DLG2: variants seen among roughly 807,000 people sequenced by gnomAD.
The protein encoded by DLG2 is discs large MAGUK scaffold protein 2.
DLG2 carries 45 observed loss-of-function variants against 132.5 expected under a neutral mutation model. The ratio of observed to expected loss-of-function variants is 0.34; its 90% CI spans 0.27 to 0.44. The LOEUF (loss-of-function observed/expected upper bound fraction) is 0.44, where lower values mean the gene tolerates loss of function less well. DLG2 is among the 20% of genes least tolerant of loss of function. The probability of loss-of-function intolerance (pLI) is 1.00; values close to 1 mark genes in which losing one functional copy is unlikely to be tolerated. For missense variants in DLG2, 1,045 were observed against 1,196.9 expected (o/e 0.87, Z 1.87); for synonymous variants, 424 against 419.6 (o/e 1.01, Z -0.13).
At chr11:84,996,173 T>C (rs2057634582) in intron 6 of DLG2, among the ~76,000 whole-genome samples, 1 of 152,128 alleles carries the variant, frequency 6.6e-6, no homozygotes, top group African/African-American at 2.4e-5. Context: ...ATTTTCATTA[T>C]GATGTACCTA....
intron 6 of DLG2, among the ~76,000 whole-genome samples, chr11:84,557,363 T>C (rs575725082): frequency 5.3e-5 from 8 of 152,294 alleles, no homozygotes; most frequent in Admixed American, 2.6e-4. Context: ...CCCTGCCCTA[T>C]TGATTTTAGC....
intron 4 of DLG2, among the ~76,000 whole-genome samples, chr11:85,214,248 C>G (rs1489952321): frequency 6.6e-6 from 1 of 152,102 alleles, no homozygotes; most frequent in African/African-American, 2.4e-5. Context: ...TAGCTCTCGT[C>G]TTGATTATTA....
intron 18 of DLG2, chr11:83,682,074 G>T: frequency 2.1e-6 from 2 of 938,070 alleles, no homozygotes; most frequent in Non-Finnish European, 2.5e-6. Flanking sequence ...ACACACTTCT[G>T]ACAGCAAGTG....
intron 11 of DLG2, among the ~76,000 whole-genome samples, chr11:83,983,332 T>A (rs2092964260): frequency 6.6e-6 from 1 of 152,056 alleles, no homozygotes; most frequent in South Asian, 2.1e-4. Context: ...ATAATTTCTA[T>A]AGCTTACTTG....
intron 18 of DLG2, among the ~76,000 whole-genome samples, chr11:83,747,131 A>G (rs2092966301): frequency 6.6e-6 from 1 of 152,220 alleles, no homozygotes; most frequent in Admixed American, 6.5e-5. Context: ...AACATAGCAC[A>G]TGAAAGTAGA....
rs541266140 is a variant in DLG2 at position 84,442,196 on chromosome 11, A to G, written c.519+92374T>C. Among the ~76,000 whole-genome samples the G allele has an allele frequency of 3.3e-5, 5 of 152,254 alleles. No homozygotes were observed. The South Asian group carries it at 8.3e-4, about 25-fold the overall frequency. On this transcript the variant is annotated intron_variant, in intron 7 of 27. Coordinates refer to ENST00000376104, the MANE Select transcript of DLG2 (RefSeq NM_001142699.3). The stretch of plus-strand genomic sequence containing the variant: ...TTGATGGGGATAGCATTGAATCTAT[A>G]AATTACTTTGGGCAGTATGGCCATT...
intron 18 of DLG2, among the ~76,000 whole-genome samples, chr11:83,737,967 T>G (rs998973018): frequency 6.6e-6 from 1 of 152,128 alleles, no homozygotes; most frequent in Non-Finnish European, 1.5e-5. Flanking sequence ...CTGTGCCCCC[T>G]TGCTCTCCTC....
At chr11:84,414,677 T>C (rs1246068352) in intron 7 of DLG2, among the ~76,000 whole-genome samples, 3 of 152,036 alleles carry the variant, frequency 2.0e-5, no homozygotes, top group African/African-American at 7.3e-5. Flanking sequence ...TTGGAGAAAA[T>C]AAAACAGATA....
At chr11:85,438,758 T>A (rs1245180561) in intron 3 of DLG2, among the ~76,000 whole-genome samples, 1 of 152,188 alleles carries the variant, frequency 6.6e-6, no homozygotes, top group Non-Finnish European at 1.5e-5. Context: ...AGGTTCCAGT[T>A]TCTACTATCG....
chr11:84,075,713 C>T (rs1011596104), intron 10 of DLG2, among the ~76,000 whole-genome samples: 1 of 152,114 alleles, frequency 6.6e-6, no homozygotes, highest in Non-Finnish European at 1.5e-5. Context: ...TCTGACCTTT[C>T]CTGAGCTACA....
chr11:84,156,605 G>A (rs907422032), intron 9 of DLG2, among the ~76,000 whole-genome samples: 2 of 152,104 alleles, frequency 1.3e-5, no homozygotes, highest in African/African-American at 4.8e-5. Flanking sequence ...GATTCTTTTT[G>A]CAACTAATAA....
At chr11:84,403,425 C>A (rs2098837628) in intron 7 of DLG2, among the ~76,000 whole-genome samples, 1 of 152,152 alleles carries the variant, frequency 6.6e-6, no homozygotes, top group Non-Finnish European at 1.5e-5. Flanking sequence ...TATTTTATCT[C>A]CATGTCTTTT....
intron 6 of DLG2, among the ~76,000 whole-genome samples, chr11:84,594,454 A>C (rs1179433731): frequency 6.6e-6 from 1 of 152,242 alleles, no homozygotes; most frequent in African/African-American, 2.4e-5. Flanking sequence ...AATGAAACTT[A>C]AATTGGTTTT....
chr11:84,075,468 GAAT>G (rs1159214297), intron 10 of DLG2, among the ~76,000 whole-genome samples: 1 of 152,156 alleles, frequency 6.6e-6, no homozygotes, highest in Non-Finnish European at 1.5e-5. Context: ...ATGAGTGAAT[GAAT>G]AATAGTTCTT....
chr11:84,989,898 A>C (rs1386030502), intron 6 of DLG2, among the ~76,000 whole-genome samples: 1 of 152,226 alleles, frequency 6.6e-6, no homozygotes, highest in Middle Eastern at 3.2e-3. Flanking sequence ...AAGAAAGATA[A>C]GACTTTTCTA....
chr11:83,929,813 T>A (rs1436746338), intron 15 of DLG2, among the ~76,000 whole-genome samples: 1 of 152,158 alleles, frequency 6.6e-6, no homozygotes, highest in African/African-American at 2.4e-5. Flanking sequence ...AACCAACTAA[T>A]CCTGTAGTTT....
chr11:84,372,222 T>G (rs1338863725), intron 7 of DLG2, among the ~76,000 whole-genome samples: 2 of 152,198 alleles, frequency 1.3e-5, no homozygotes, highest in African/African-American at 4.8e-5. Flanking sequence ...AGAAAGCATC[T>G]GAAGTGTGTT....
At chr11:84,162,040 G>A (rs1596383938) in intron 9 of DLG2, among the ~76,000 whole-genome samples, 1 of 152,128 alleles carries the variant, frequency 6.6e-6, no homozygotes, top group Non-Finnish European at 1.5e-5. Flanking sequence ...GAAATGCTCT[G>A]ACTCAGGAAA....
chr11:83,829,569 C>T (rs1200493995), intron 17 of DLG2, among the ~76,000 whole-genome samples: 1 of 152,082 alleles, frequency 6.6e-6, no homozygotes, highest in Non-Finnish European at 1.5e-5. Context: ...ATGTCCAGTG[C>T]AAGTTATAGA....
Sources: gnomAD v4.1 joint callset for allele counts (sites outside exome capture counted in the v4.1 genomes callset) on GRCh38, gnomAD v4.1.1 for gene constraint, MANE v1.5 for transcripts, NCBI Gene and HGNC (gene_info 2026-07-23, HGNC 2026-07-21) for gene names.